Variants in SRRM3 observed in about 807,000 individuals in gnomAD.
SRRM3 encodes serine/arginine repetitive matrix 3.
A neutral mutation model predicts 66.2 loss-of-function variants in SRRM3; 27 were observed. The observed-to-expected ratio is 0.41, with a 90% CI of 0.30 to 0.56. The LOEUF is 0.56. Ranked by LOEUF, SRRM3 falls within the 20% of genes least tolerant of loss-of-function variation. SRRM3 has a pLI of 0.32. For synonymous variants in SRRM3, 391 were observed against 414.9 expected, an observed-to-expected ratio of 0.94 and a Z score of 0.70; for missense variants, 918 against 991.9, an observed-to-expected ratio of 0.93 and a Z score of 1.00.
At position 76,259,949 on chromosome 7, in the gene SRRM3, C is replaced by G. The variant is rs572630629; in HGVS notation, c.379C>G (p.Leu127Val). Residue 127 changes from leucine to valine, a missense_variant, in exon 4 of 15, where the codon CTG becomes GTG. Transcript: ENST00000611745. ...GCTGACCGAGGGCGCTGAGCCGGGC[C>G]TGGAGTACGCGCCCTTTGACGATGA... is the stretch of plus-strand genomic sequence containing the variant. ...PRLTEGAEPG[L>V]EYAPFDDDDG... The G allele has an allele frequency of 6.2e-7, 1 of 1,601,950 alleles. No homozygotes were observed. Among genetic ancestry groups the G allele is most frequent in the African/African-American group, 1.3e-5 (1 of 75,012 alleles).
chr7:76,206,423 G>C (rs1202840713), intron 1 of SRRM3, among the ~76,000 whole-genome samples: 2 of 152,148 alleles, frequency 1.3e-5, no homozygotes, highest in Non-Finnish European at 2.9e-5. Flanking sequence ...GAACAGAGGG[G>C]ATTATGACAG....
chr7:76,245,987 TGCACCTG>T (rs1459728275), intron 2 of SRRM3, among the ~76,000 whole-genome samples: 5 of 152,042 alleles, frequency 3.3e-5, no homozygotes, highest in Non-Finnish European at 5.9e-5. Context: ...TGTGAGCCAC[TGCACCTG>T]GCCAGTAGGT....
At chr7:76,258,846 CG>C (rs1801785696) in intron 3 of SRRM3, among the ~76,000 whole-genome samples, 1 of 151,556 alleles carries the variant, frequency 6.6e-6, no homozygotes. Flanking sequence ...CATCTGAGAT[CG>C]GGAGTTCCAT....
intron 11 of SRRM3, chr7:76,268,137 C>G (rs1802121593): frequency 6.6e-6 from 1 of 152,048 alleles, no homozygotes. Context: ...CACACCAACA[C>G]CCCCAAAACT....
In SRRM3 at chr7:76,286,280, A is replaced by C; in HGVS notation, c.*437A>C. 4.8e-6 allele frequency: 1 copy of C among 208,194 alleles called. No individual in the cohort carries two copies. The allele number at this position is 208,194 out of a possible 1,614,324, so 12.9% of individuals were successfully genotyped here. The stretch of plus-strand genomic sequence containing the variant: ...CCTGGGAGCCCCTCTTCCGCACTAC[A>C]CAGCTCCCTCCACTCCTCTCTTATC... On this transcript the variant is annotated 3_prime_UTR_variant, in exon 15 of 15. Transcript: ENST00000611745.
In SRRM3 at chr7:76,282,640, T is replaced by C. The variant is rs1583947114; in HGVS notation, c.1371-8T>C. On this transcript the variant is annotated splice_polypyrimidine_tract_variant and splice_region_variant and intron_variant, in intron 12 of 14. Transcript: ENST00000611745. ...TGAGCCCTATCCCGCGCCGTCTCCC[T>C]CCTCCAGGGCCAAGGAGCGGCCCCC... 1 of 1,107,032 alleles carries C rather than the reference T, an allele frequency of 9.0e-7. No homozygotes were observed. The highest frequency in any genetic ancestry group is 1.7e-5 in the South Asian group (1 of 59,686). The allele number at this position is 1,107,032 out of a possible 1,614,324, so 68.6% of individuals were successfully genotyped here.
At chr7:76,230,329 C>A (rs1800983174) in intron 1 of SRRM3, among the ~76,000 whole-genome samples, 1 of 152,038 alleles carries the variant, frequency 6.6e-6, no homozygotes, top group Admixed American at 6.6e-5. Context: ...GATATTAGCA[C>A]CCACCAGGAC....
chr7:76,251,514 A>T (rs1801582016), intron 3 of SRRM3, among the ~76,000 whole-genome samples: 1 of 152,024 alleles, frequency 6.6e-6, no homozygotes, highest in Non-Finnish European at 1.5e-5. Flanking sequence ...AGCTGGGACT[A>T]CAGGCGCACG....
chr7:76,245,952 C>T (rs1333332350), intron 2 of SRRM3, among the ~76,000 whole-genome samples: 2 of 152,096 alleles, frequency 1.3e-5, no homozygotes, highest in Admixed American at 1.3e-4. Context: ...CCCACCTCAG[C>T]CTCCCAAAGT....
chr7:76,265,513 G>A (rs1554609418), intron 10 of SRRM3, 45 bp downstream of exon 10: 1 of 1,511,336 alleles, frequency 6.6e-7, no homozygotes, highest in Admixed American at 1.8e-5. Context: ...GGGGGATGAG[G>A]GTTGCAGATT....
chr7:76,265,496 T>C lies in SRRM3; in HGVS notation c.830+28T>C. The C allele has an allele frequency of 1.9e-6, 3 of 1,569,450 alleles. No individual in the cohort carries two copies. In the East Asian group the frequency reaches 6.9e-5, roughly 36 times the overall value. ...AGGCCTGGGCCTCTGGGAGGCTTTC[T>C]CCTGGTGGGGGATGAGGGTTGCAGA... On this transcript the variant is annotated intron_variant, in intron 10 of 14. Transcript: ENST00000611745.
rs1802164369 is a variant in SRRM3, at chr7:76,269,766, T to TC, written c.1008+2331_1008+2332insC. ...ATTTCCTTTTCCTTTCTTTTTTTTT[T>TC]TCCCTATTTTAATGTACAGAAATGC... On this transcript the variant is annotated intron_variant, in intron 11 of 14. Coordinates refer to ENST00000611745, the MANE Select transcript of SRRM3 (RefSeq NM_001110199.3). The TC allele has an allele frequency of 2.0e-5, 3 of 150,188 alleles. No individual in the cohort carries two copies. The East Asian group carries it at 5.9e-4, about 30-fold the overall frequency. 9.3% of individuals were successfully genotyped at this position (150,188 alleles called of 1,614,324 possible).
At chr7:76,253,058 G>A (rs1275142086) in intron 3 of SRRM3, among the ~76,000 whole-genome samples, 5 of 152,030 alleles carry the variant, frequency 3.3e-5, no homozygotes, top group Non-Finnish European at 7.4e-5. Flanking sequence ...CAGCTACTCA[G>A]GAGGCTGAGG....
intron 1 of SRRM3, among the ~76,000 whole-genome samples, chr7:76,208,054 T>C (rs1395865299): frequency 6.6e-6 from 1 of 152,122 alleles, no homozygotes; most frequent in African/African-American, 2.4e-5. Flanking sequence ...TGAAAATAAC[T>C]TTATGGCCTG....
Position 76,206,078 on chromosome 7 carries a change from G to T in SRRM3, c.-40+4011G>T, listed in dbSNP as rs1290137115. ...GCTGGAGTGCAGTGGCACAATCACG[G>T]CTCACTGCAGCCTTGACCTCCTGGA... is the stretch of plus-strand genomic sequence containing the variant. On this transcript the variant is annotated intron_variant, in intron 1 of 14. Transcript: ENST00000611745. 2.6e-5 allele frequency among the ~76,000 whole-genome samples: 4 copies of T among 152,136 alleles called. No individual in the cohort carries two copies. The South Asian group carries it at 6.2e-4, about 24-fold the overall frequency.
chr7:76,235,430 G>T, intron 2 of SRRM3, 131 bp downstream of exon 2: 2 of 822,868 alleles, frequency 2.4e-6, no homozygotes, highest in Non-Finnish European at 3.6e-6. Context: ...GGCTATTAGG[G>T]CGGAGTCGGG....
rs545869249 is a variant in SRRM3 at position 76,242,433 on chromosome 7, C to T, written c.234-5755C>T. Among the ~76,000 whole-genome samples the T allele has an allele frequency of 8.6e-5, 13 of 150,454 alleles. No homozygotes were observed. In the South Asian group the frequency reaches 2.1e-3, roughly 24 times the overall value. Reference sequence around the variant, plus strand: ...CGGGGAGATGGAGGTTGTGGTGAGCCGAGATTGCACCTTTGCACTCCAGCC... The same window carrying T: ...CGGGGAGATGGAGGTTGTGGTGAGCTGAGATTGCACCTTTGCACTCCAGCC... On this transcript the variant is annotated intron_variant, in intron 2 of 14. Coordinates refer to ENST00000611745, the MANE Select transcript of SRRM3 (RefSeq NM_001110199.3).
intron 1 of SRRM3, among the ~76,000 whole-genome samples, chr7:76,223,386 G>T (rs1554603413): frequency 6.6e-6 from 1 of 152,206 alleles, no homozygotes; most frequent in East Asian, 1.9e-4. Flanking sequence ...CAGCAGGAGA[G>T]TGCTCCAGGG....
chr7:76,225,673 G>T (rs905602523), intron 1 of SRRM3, among the ~76,000 whole-genome samples: 9 of 152,232 alleles, frequency 5.9e-5, no homozygotes, highest in African/African-American at 1.9e-4. Context: ...TTGAGGCCAA[G>T]AGTTTGAGAC....
Sources: allele counts gnomAD v4.1 joint callset (sites outside exome capture counted in the v4.1 genomes callset), GRCh38; gene constraint gnomAD v4.1.1; transcripts MANE v1.5; gene names NCBI Gene and HGNC (gene_info 2026-07-23, HGNC 2026-07-21).